FBXL17: variants seen among roughly 807,000 people sequenced by gnomAD.
FBXL17 encodes the protein F-box/LRR-repeat protein 17.
Under a neutral mutation model 66.2 loss-of-function variants are expected in FBXL17, and 22 were observed. That is an observed-to-expected ratio of 0.33 (90% CI 0.24 to 0.47). The LOEUF is 0.47. Ranked by LOEUF, FBXL17 falls within the 20% of genes least tolerant of loss-of-function variation. The pLI is 1.00. For missense variants in FBXL17, 878 were observed against 948.2 expected, an observed-to-expected ratio of 0.93 and a Z score of 0.97; for synonymous variants, 474 against 400.5, an observed-to-expected ratio of 1.18 and a Z score of -2.19.
In FBXL17 at chr5:107,980,664, A is replaced by ATATATATATTTTT; in HGVS notation, c.1822+40260_1822+40261insAAAAATATATATA. Among the ~76,000 whole-genome samples, 10 of 62,076 alleles carry ATATATATATTTTT rather than the reference A, an allele frequency of 1.6e-4. 1 individual carries two copies. Among genetic ancestry groups the ATATATATATTTTT allele is most frequent in the African/African-American group, 1.0e-3 (10 of 9,750 alleles). The allele number at this position is 62,076 out of a possible 152,430, so 40.7% of individuals were successfully genotyped here. A position where few individuals can be genotyped will look rare whatever the true frequency, so the allele number is the denominator to read the frequency against. On this transcript the variant is annotated intron_variant, in intron 7 of 8. Transcript: ENST00000542267. ...TAAAATAATATATATATATATATATATTTTTTTTTTGAGATGGAGTCTTGC... is the reference window on the plus strand; with the variant it reads ...TAAAATAATATATATATATATATATATATATATATTTTTTTTTTTTTTTGAGATGGAGTCTTGC...
chr5:108,216,840 T>C (rs1442254389), intron 5 of FBXL17, among the ~76,000 whole-genome samples: 3 of 152,014 alleles, frequency 2.0e-5, no homozygotes, highest in South Asian at 2.1e-4. Flanking sequence ...GCTGCACAGA[T>C]AGAAAAACCT....
At chr5:107,989,135 T>C (rs189549005) in intron 7 of FBXL17, among the ~76,000 whole-genome samples, 1 of 152,226 alleles carries the variant, frequency 6.6e-6, no homozygotes, top group East Asian at 1.9e-4. Context: ...TTTCTTTGTG[T>C]TAGGAATATT....
At chr5:108,341,950 T>C (rs1746908799) in intron 4 of FBXL17, among the ~76,000 whole-genome samples, 1 of 152,214 alleles carries the variant, frequency 6.6e-6, no homozygotes, top group South Asian at 2.1e-4. Context: ...TTCAGATTCC[T>C]TTCTTATCCC....
At chr5:108,303,050 C>G (rs1758664099) in intron 4 of FBXL17, among the ~76,000 whole-genome samples, 1 of 151,788 alleles carries the variant, frequency 6.6e-6, no homozygotes, top group African/African-American at 2.4e-5. Flanking sequence ...TGGTCTAAAT[C>G]TAGTTTGTGT....
chr5:108,142,978 T>TACA (rs1751411167), intron 6 of FBXL17, among the ~76,000 whole-genome samples: 1 of 145,072 alleles, frequency 6.9e-6, no homozygotes, highest in African/African-American at 2.5e-5. Flanking sequence ...GAACATAAAG[T>TACA]ATAATAATAA....
At chr5:108,192,816 A>C (rs1321678975) in intron 5 of FBXL17, among the ~76,000 whole-genome samples, 2 of 152,032 alleles carry the variant, frequency 1.3e-5, no homozygotes, top group Admixed American at 1.3e-4. Context: ...AAAAGAAAAG[A>C]TCAGACCAGA....
chr5:108,035,449 C>A (rs1746804856), intron 6 of FBXL17, among the ~76,000 whole-genome samples: 1 of 152,090 alleles, frequency 6.6e-6, no homozygotes, highest in Non-Finnish European at 1.5e-5. Flanking sequence ...TCACTGCAAC[C>A]TCTGCCTCCC....
chr5:108,180,975 C>T (rs1475151202), intron 6 of FBXL17, among the ~76,000 whole-genome samples: 1 of 151,912 alleles, frequency 6.6e-6, no homozygotes, highest in Non-Finnish European at 1.5e-5. Flanking sequence ...GAGAGATTAC[C>T]TTTGATAGTT....
rs963907103 is a variant in FBXL17 at position 107,925,501 on chromosome 5, C to G, written c.1823-44322G>C. On this transcript the variant is annotated intron_variant, in intron 7 of 8. Coordinates refer to ENST00000542267, the MANE Select transcript of FBXL17 (RefSeq NM_001163315.3). ...TTGTTGACAGCACGTTTTGGCCCCA[C>G]AGCATGCCTGGATTGAATATGGTGC... 2.0e-5 allele frequency among the ~76,000 whole-genome samples: 3 copies of G among 152,208 alleles called. No individual in the cohort carries two copies. The East Asian group carries it at 5.8e-4, about 29-fold the overall frequency.
chr5:107,930,709 C>T (rs1378552430), intron 7 of FBXL17, among the ~76,000 whole-genome samples: 2 of 152,032 alleles, frequency 1.3e-5, no homozygotes, highest in Non-Finnish European at 2.9e-5. Flanking sequence ...CTAGCAGGTT[C>T]CTTAAGTTCT....
At chr5:107,892,915 A>G (rs951691445) in intron 7 of FBXL17, among the ~76,000 whole-genome samples, 2 of 152,220 alleles carry the variant, frequency 1.3e-5, no homozygotes, top group Admixed American at 6.5e-5. Flanking sequence ...GTAGAGAACT[A>G]GATTAGAATA....
chr5:108,110,581 GAGA>G (rs1045034666), intron 6 of FBXL17, among the ~76,000 whole-genome samples: 3 of 152,084 alleles, frequency 2.0e-5, no homozygotes, highest in African/African-American at 4.8e-5. Context: ...TTCCACAGAG[GAGA>G]AGAAGGCACA....
Position 108,219,928 on chromosome 5 carries a change from C to CTTTTTTTTTTTTTTTTTTTTTTTT in FBXL17, c.1614+4192_1614+4193insAAAAAAAAAAAAAAAAAAAAAAAA. On this transcript the variant is annotated intron_variant, in intron 5 of 8. Coordinates refer to ENST00000542267, the MANE Select transcript of FBXL17 (RefSeq NM_001163315.3). ...TTTCCTCTTTGATCTTTACTATTTC[C>CTTTTTTTTTTTTTTTTTTTTTTTT]TTTTTTTTTTTTTTTTTTTTTTTGC... Among the ~76,000 whole-genome samples the CTTTTTTTTTTTTTTTTTTTTTTTT allele has an allele frequency of 5.3e-4, 20 of 37,456 alleles. 1 individual carries two copies. Among genetic ancestry groups the CTTTTTTTTTTTTTTTTTTTTTTTT allele is most frequent in the African/African-American group, 6.0e-4 (5 of 8,268 alleles). The allele number at this position is 37,456 out of a possible 152,430, so 24.6% of individuals were successfully genotyped here.
At chr5:108,026,235 T>C (rs896447186) in intron 6 of FBXL17, among the ~76,000 whole-genome samples, 12 of 152,180 alleles carry the variant, frequency 7.9e-5, no homozygotes, top group African/African-American at 2.9e-4. Context: ...TATTTATAGT[T>C]ACTTTTTCTA....
At chr5:108,337,137 T>C (rs761290854) in intron 4 of FBXL17, among the ~76,000 whole-genome samples, 25 of 151,706 alleles carry the variant, frequency 1.6e-4, no homozygotes, top group Non-Finnish European at 2.4e-4. Context: ...ACGCCTGTAG[T>C]CCCAGCTACT....
At chr5:108,088,279 T>C (rs1195947321) in intron 6 of FBXL17, among the ~76,000 whole-genome samples, 5 of 152,234 alleles carry the variant, frequency 3.3e-5, no homozygotes, top group Non-Finnish European at 7.3e-5. Flanking sequence ...CATTTCTTGC[T>C]GTGGTCACCA....
intron 5 of FBXL17, among the ~76,000 whole-genome samples, chr5:108,218,045 T>G (rs1754688697): frequency 6.9e-6 from 1 of 144,726 alleles, no homozygotes; most frequent in Non-Finnish European, 1.5e-5. Context: ...TGAGACAGAG[T>G]CTCACTCTGT....
intron 6 of FBXL17, among the ~76,000 whole-genome samples, chr5:108,078,574 A>C (rs1385910596): frequency 1.3e-5 from 2 of 152,172 alleles, no homozygotes; most frequent in African/African-American, 4.8e-5. Flanking sequence ...GATCTCGGAA[A>C]GATTAACCCA....
chr5:108,381,301 C>T lies in FBXL17; in HGVS notation c.391G>A (p.Ala131Thr). 4 of 1,403,580 alleles carry T rather than the reference C, an allele frequency of 2.8e-6. No individual in the cohort carries two copies. Among genetic ancestry groups the T allele is most frequent in the African/African-American group, 1.5e-5 (1 of 66,438 alleles). 86.9% of individuals were successfully genotyped at this position (1,403,580 alleles called of 1,614,324 possible). A position where few individuals can be genotyped will look rare whatever the true frequency, so the allele number is the denominator to read the frequency against. ...GAGGCGGGCGACGAAGCCGAGGCGG[C>T]AGCGGCGGCGGCGGCGGCGGCCGAG... ...LSSAAAAAAA[A>T]ASASSPASCC... The change falls in exon 1 of 9, where the codon GCC becomes ACC. Residue 131 changes from alanine to threonine, a missense_variant. Physicochemically the swap from Ala to Thr is moderately conservative, Grantham distance 58 (BLOSUM62 0). This residue lies in a region of FBXL17 where 605 missense variants were observed against 509.5 expected (regional missense o/e 1.19). Coordinates refer to ENST00000542267, the MANE Select transcript of FBXL17 (RefSeq NM_001163315.3).
Sources: allele counts gnomAD v4.1 joint callset (sites outside exome capture counted in the v4.1 genomes callset), GRCh38; gene constraint gnomAD v4.1.1; regional missense constraint gnomAD v4.1.1; transcripts MANE v1.5; gene names NCBI Gene and HGNC (gene_info 2026-07-23, HGNC 2026-07-21).